CHRM2: variants seen among roughly 807,000 people sequenced by gnomAD.
The protein encoded by CHRM2 is muscarinic acetylcholine receptor M2.
CHRM2 carries 8 observed loss-of-function variants against 25.0 expected under a neutral mutation model. That is an observed-to-expected ratio of 0.32 (90% CI 0.19 to 0.58). The LOEUF (loss-of-function observed/expected upper bound fraction) is 0.58, where lower values mean the gene tolerates loss of function less well. Among genes scored for constraint, CHRM2 ranks in the 20% least tolerant of loss-of-function variants. CHRM2 has a pLI of 0.88. For missense variants in CHRM2, 440 were observed against 567.1 expected (o/e 0.78, Z 2.28); for synonymous variants, 202 against 205.7 (o/e 0.98, Z 0.15).
chr7:136,873,555 C>A (rs745954596), intron 2 of CHRM2, among the ~76,000 whole-genome samples: 1 of 152,168 alleles, frequency 6.6e-6, no homozygotes, highest in African/African-American at 2.4e-5. Flanking sequence ...TTATTTTCTA[C>A]AGGAAGAAAT....
At chr7:136,943,643 G>C (rs1209666722) in intron 2 of CHRM2, among the ~76,000 whole-genome samples, 2 of 151,922 alleles carry the variant, frequency 1.3e-5, no homozygotes, top group African/African-American at 4.8e-5. Context: ...TTCTGGGAAC[G>C]GTTTAGGAAA....
At chr7:136,943,381 T>C (rs1008217574) in intron 2 of CHRM2, among the ~76,000 whole-genome samples, 4 of 152,204 alleles carry the variant, frequency 2.6e-5, no homozygotes, top group African/African-American at 9.6e-5. Context: ...CTTACAACTG[T>C]TGTTTTCCTC....
chr7:136,884,524 T>A (rs1348213814), intron 2 of CHRM2, among the ~76,000 whole-genome samples: 2 of 150,904 alleles, frequency 1.3e-5, no homozygotes, highest in African/African-American at 4.9e-5. Flanking sequence ...TTTGTTTTTT[T>A]ATCAGGGGAA....
intron 2 of CHRM2, among the ~76,000 whole-genome samples, chr7:136,917,569 A>G (rs1472670987): frequency 6.6e-6 from 1 of 151,972 alleles, no homozygotes; most frequent in Non-Finnish European, 1.5e-5. Context: ...CACATTTACT[A>G]CTTTTTGCAA....
chr7:136,971,158 G>A (rs964900573), intron 2 of CHRM2, among the ~76,000 whole-genome samples: 1 of 152,156 alleles, frequency 6.6e-6, no homozygotes, highest in Non-Finnish European at 1.5e-5. Flanking sequence ...AGATCTCAGA[G>A]ATCATCTAGA....
intron 2 of CHRM2, among the ~76,000 whole-genome samples, chr7:136,925,023 G>A (rs746365995): frequency 6.6e-6 from 1 of 152,152 alleles, no homozygotes; most frequent in African/African-American, 2.4e-5. Flanking sequence ...ACAAGGTATT[G>A]TGTGGTGCTA....
intron 2 of CHRM2, among the ~76,000 whole-genome samples, chr7:136,957,788 T>A (rs1416994874): frequency 6.6e-6 from 1 of 152,238 alleles, no homozygotes; most frequent in Non-Finnish European, 1.5e-5. Context: ...TCTCAGTAAC[T>A]ATTGCATAGA....
chr7:136,946,276 T>C (rs1028348972), intron 2 of CHRM2, among the ~76,000 whole-genome samples: 2 of 152,314 alleles, frequency 1.3e-5, no homozygotes, highest in Middle Eastern at 3.4e-3. Context: ...AGTATCAAAA[T>C]AGGTTATATA....
At chr7:136,965,093 T>G (rs2130908058) in intron 2 of CHRM2, among the ~76,000 whole-genome samples, 1 of 152,264 alleles carries the variant, frequency 6.6e-6, no homozygotes, top group African/African-American at 2.4e-5. Flanking sequence ...ATCTATGAAT[T>G]AATGCAGACA....
Position 137,018,869 on chromosome 7 carries a change from G to C in CHRM2, c.*2603G>C, listed in dbSNP as rs947753594. The C allele has an allele frequency of 4.6e-5, 7 of 151,930 alleles. No individual in the cohort carries two copies. The East Asian group carries it at 9.7e-4, about 21-fold the overall frequency. 9.4% of individuals were successfully genotyped at this position (151,930 alleles called of 1,614,324 possible). A position where few individuals can be genotyped will look rare whatever the true frequency, so the allele number is the denominator to read the frequency against. ...GAGAGATATGGAGATTATATTCAAG[G>C]ATTTTTATTAACCACTGCTGGATTT... is the stretch of plus-strand genomic sequence containing the variant. On this transcript the variant is annotated 3_prime_UTR_variant, in exon 4 of 4. Transcript: ENST00000680005.
At chr7:136,903,274 C>T (rs1288509925) in intron 2 of CHRM2, 2 of 533,070 alleles carry the variant, frequency 3.8e-6, no homozygotes, top group Non-Finnish European at 7.7e-6. Flanking sequence ...TTGAGCTGTT[C>T]ACAAGCAGCG....
At chr7:136,889,047 CAAAA>C (rs56915229) in intron 2 of CHRM2, among the ~76,000 whole-genome samples, 168 of 66,468 alleles carry the variant, frequency 2.5e-3, no homozygotes, top group Middle Eastern at 0.017. Flanking sequence ...GACTACATCT[CAAAA>C]AAAAAAAAAA....
chr7:136,954,095 A>G (rs1451108718), intron 2 of CHRM2, among the ~76,000 whole-genome samples: 1 of 152,200 alleles, frequency 6.6e-6, no homozygotes, highest in East Asian at 1.9e-4. Flanking sequence ...TTGAGGTAAG[A>G]GTGAGCTGAC....
intron 2 of CHRM2, chr7:136,938,642 G>A (rs968184416): frequency 1.2e-6 from 1 of 834,636 alleles, no homozygotes; most frequent in Admixed American, 1.8e-5. Flanking sequence ...GCTCATGCGG[G>A]CACAGGGCCC....
In CHRM2 at chr7:136,919,385, A is replaced by G. The variant is rs531731345; in HGVS notation, c.-125+49967A>G. Among the ~76,000 whole-genome samples, 8 of 152,242 alleles carry G rather than the reference A, an allele frequency of 5.3e-5. 1 individual carries two copies. The South Asian group carries it at 1.7e-3, about 32-fold the overall frequency. ...GCTCTAGTGAATATGGTTTACCTTA[A>G]TTTGATAATTAAAATAAATATTAGA... On this transcript the variant is annotated intron_variant, in intron 2 of 3. Coordinates refer to ENST00000680005, the MANE Select transcript of CHRM2 (RefSeq NM_001006630.2).
At chr7:136,903,175 T>G (rs1460968155) in intron 2 of CHRM2, 4 of 534,120 alleles carry the variant, frequency 7.5e-6, no homozygotes, top group Non-Finnish European at 1.5e-5. Context: ...TATGGAGGCC[T>G]TGCTGGTTTG....
intron 2 of CHRM2, among the ~76,000 whole-genome samples, chr7:136,875,160 T>TTATATATATATATATATA (rs370257300): frequency 1.4e-5 from 2 of 147,722 alleles, no homozygotes; most frequent in East Asian, 3.9e-4. Flanking sequence ...CACATGAATT[T>TTATATATATATATATATA]TATATATATA....
chr7:136,916,960 A>G (rs1257747002), intron 2 of CHRM2, among the ~76,000 whole-genome samples: 1 of 151,720 alleles, frequency 6.6e-6, no homozygotes, highest in Non-Finnish European at 1.5e-5. Context: ...AATTCTGTGT[A>G]TATATTTTTA....
chr7:137,020,135 G>A lies in CHRM2; in HGVS notation c.*3869G>A, dbSNP rs1316931918. On this transcript the variant is annotated 3_prime_UTR_variant, in exon 4 of 4. Coordinates refer to ENST00000680005, the MANE Select transcript of CHRM2 (RefSeq NM_001006630.2). The stretch of plus-strand genomic sequence containing the variant: ...AGCATGAAATGTGTGCATATTTAAT[G>A]TATCTTCCTGGAATATGCTATGTGC... 9.9e-5 allele frequency: 15 copies of A among 151,448 alleles called. No homozygotes were observed. The East Asian group carries it at 2.9e-3, about 29-fold the overall frequency. The allele number at this position is 151,448 out of a possible 1,614,324, so 9.4% of individuals were successfully genotyped here.
Sources: gnomAD v4.1 joint callset for allele counts (sites outside exome capture counted in the v4.1 genomes callset) on GRCh38, gnomAD v4.1.1 for gene constraint, MANE v1.5 for transcripts, NCBI Gene and HGNC (gene_info 2026-07-23, HGNC 2026-07-21) for gene names.